The following ZNF479 variants were observed in gnomAD, a reference collection of about 807,000 sequenced individuals.
ZNF479 encodes KRAB zinc finger protein KR19.
Under a neutral mutation model 14.7 loss-of-function variants are expected in ZNF479, and 15 were observed. The ratio of observed to expected loss-of-function variants is 1.02; its 90% CI spans 0.68 to 1.57. The LOEUF (loss-of-function observed/expected upper bound fraction) is 1.57, where lower values mean the gene tolerates loss of function less well. Ranked by LOEUF, ZNF479 falls within the 40% of genes most tolerant of loss-of-function variation. The pLI is 0.00. For synonymous variants in ZNF479, 145 were observed against 211.5 expected (o/e 0.69, Z 2.73); for missense variants, 506 against 615.1 (o/e 0.82, Z 1.88).
intron 3 of ZNF479, among the ~76,000 whole-genome samples, chr7:57,122,016 T>C (rs1423379454): frequency 6.6e-6 from 1 of 151,884 alleles, no homozygotes; most frequent in Non-Finnish European, 1.5e-5. Context: ...GAAAAAATTT[T>C]AAAGTAAGAA....
At chr7:57,129,395 G>T (rs547787091) in intron 1 of ZNF479, among the ~76,000 whole-genome samples, 1 of 152,056 alleles carries the variant, frequency 6.6e-6, no homozygotes, top group Admixed American at 6.6e-5. Flanking sequence ...TTGTGCTTTC[G>T]CAGACACATT....
At chr7:57,127,152 A>G (rs1786211532) in intron 1 of ZNF479, among the ~76,000 whole-genome samples, 2 of 150,404 alleles carry the variant, frequency 1.3e-5, no homozygotes, top group South Asian at 2.1e-4. Flanking sequence ...CCTCCTGGGT[A>G]GCTGGGACTA....
chr7:57,122,463 C>G (rs1785995740), intron 3 of ZNF479, among the ~76,000 whole-genome samples: 1 of 151,676 alleles, frequency 6.6e-6, no homozygotes, highest in African/African-American at 2.4e-5. Context: ...TTCTGAAAAA[C>G]ATATGCATAT....
chr7:57,119,652 G>A lies in ZNF479; in HGVS notation c.*188C>T. The A allele has an allele frequency of 1.6e-6, 1 of 615,370 alleles. No homozygotes were observed. The highest frequency in any genetic ancestry group is 2.2e-5 in the South Asian group (1 of 46,214). The allele number at this position is 615,370 out of a possible 1,614,324, so 38.1% of individuals were successfully genotyped here. On this transcript the variant is annotated 3_prime_UTR_variant, in exon 4 of 4. Transcript: ENST00000319636. ...AATTCTCTTAGGTTTATTAAGGTTTGAGGGTTGGTTAAAGGCTTTGTTACA... is the reference window on the plus strand; with the variant it reads ...AATTCTCTTAGGTTTATTAAGGTTTAAGGGTTGGTTAAAGGCTTTGTTACA...
rs1407105210 is a variant in ZNF479 at position 57,118,039 on chromosome 7, A to G, written c.*1801T>C. Among the ~76,000 whole-genome samples the G allele has an allele frequency of 6.6e-6, 1 of 152,228 alleles. No individual in the cohort carries two copies. Among genetic ancestry groups the G allele is most frequent in the Non-Finnish European group, 1.5e-5 (1 of 68,044 alleles). ...CCCCTCAGATGCTTATATAGACTTAATTTTTGATTTAATATGTTTTCCCCA... is the reference window on the plus strand; with the variant it reads ...CCCCTCAGATGCTTATATAGACTTAGTTTTTGATTTAATATGTTTTCCCCA... On this transcript the variant is annotated 3_prime_UTR_variant, in exon 4 of 4. Transcript: ENST00000319636.
chr7:57,135,303 T>G (rs949532132), upstream of ZNF479, among the ~76,000 whole-genome samples: 1 of 152,182 alleles, frequency 6.6e-6, no homozygotes. Context: ...GTTAGAGTCT[T>G]TCCTAAAATT....
chr7:57,133,061 G>C (rs1786506457), upstream of ZNF479, among the ~76,000 whole-genome samples: 3 of 152,174 alleles, frequency 2.0e-5, no homozygotes, highest in South Asian at 2.1e-4. Flanking sequence ...TTGAACCCAG[G>C]GGGTGGAGGT....
At chr7:57,127,174 C>A (rs1007075289) in intron 1 of ZNF479, among the ~76,000 whole-genome samples, 2 of 151,926 alleles carry the variant, frequency 1.3e-5, no homozygotes, top group African/African-American at 4.8e-5. Flanking sequence ...AGGCATGAGC[C>A]ACCATGACTG....
chr7:57,131,028 A>G (rs2115891064), intron 1 of ZNF479, among the ~76,000 whole-genome samples: 1 of 152,314 alleles, frequency 6.6e-6, no homozygotes, highest in South Asian at 2.1e-4. Flanking sequence ...GTATGTTGTC[A>G]CTTATAAGTG....
intron 1 of ZNF479, among the ~76,000 whole-genome samples, chr7:57,138,723 A>G (rs1786753370): frequency 6.6e-6 from 1 of 152,250 alleles, no homozygotes; most frequent in South Asian, 2.1e-4. Flanking sequence ...GATGGTACAG[A>G]GAGTGTCATA....
chr7:57,122,589 G>T (rs1488092762), intron 3 of ZNF479, among the ~76,000 whole-genome samples: 12 of 152,000 alleles, frequency 7.9e-5, no homozygotes, highest in African/African-American at 2.9e-4. Flanking sequence ...GATATAATTA[G>T]CAACATCAAT....
chr7:57,134,548 T>C (rs1025060347), upstream of ZNF479, among the ~76,000 whole-genome samples: 10 of 152,174 alleles, frequency 6.6e-5, no homozygotes, highest in Admixed American at 3.3e-4. Context: ...ATATCCTTAG[T>C]TGAGTGGCCC....
intron 3 of ZNF479, among the ~76,000 whole-genome samples, chr7:57,124,933 T>C (rs1043567863): frequency 4.6e-5 from 7 of 151,974 alleles, no homozygotes; most frequent in African/African-American, 1.7e-4. Context: ...ATTAGCTGGG[T>C]GTGGTGGCAC....
chr7:57,127,938 T>TATA (rs1491425030), intron 1 of ZNF479, among the ~76,000 whole-genome samples: 98 of 46,308 alleles, frequency 2.1e-3, no homozygotes, highest in East Asian at 7.2e-3. Context: ...TATATATATA[T>TATA]TTTTTTTTTT....
Position 57,126,078 on chromosome 7 carries a change from G to C in ZNF479, c.202C>G (p.Leu68Val). 1.9e-6 allele frequency: 3 copies of C among 1,603,462 alleles called. No homozygotes were observed. Among genetic ancestry groups the C allele is most frequent in the Middle Eastern group, 1.7e-4 (1 of 6,056 alleles). ...AVSKPDLITC[L>V]EQNKESQNIK... is the part of the protein sequence containing the mutation. Reference sequence around the variant, plus strand: ...TTCTGGGACTCTTTATTTTGCTCCAGACAGGTGATCAAGTCTGGCTTAGAG... The same window carrying C: ...TTCTGGGACTCTTTATTTTGCTCCACACAGGTGATCAAGTCTGGCTTAGAG... Residue 68 changes from leucine (L) to valine (V), a missense_variant, in exon 3 of 4, where the codon CTG becomes GTG. Leu to Val is a conservative substitution (Grantham distance 32). Around this residue, in one of 3 missense-constraint regions of ZNF479, gnomAD observed 420 missense variants for 474.2 expected, o/e 0.89. Transcript: ENST00000319636.
Position 57,124,274 on chromosome 7 carries a change from A to G in ZNF479, c.262+1744T>C, listed in dbSNP as rs907286445. Among the ~76,000 whole-genome samples the G allele has an allele frequency of 3.2e-4, 48 of 152,346 alleles. 1 individual carries two copies. Among genetic ancestry groups the G allele is most frequent in the Middle Eastern group, 3.4e-3 (1 of 294 alleles). On this transcript the variant is annotated intron_variant, in intron 3 of 3. Transcript: ENST00000319636. The stretch of plus-strand genomic sequence containing the variant: ...GTGGTACTCACAAAAAGACAGATAA[A>G]GACATGATAGAACAAAATAGAAAGC...
At chr7:57,130,929 GAACAA>G (rs1786390272) in intron 1 of ZNF479, among the ~76,000 whole-genome samples, 1 of 152,172 alleles carries the variant, frequency 6.6e-6, no homozygotes, top group Non-Finnish European at 1.5e-5. Context: ...CTATAAGAAA[GAACAA>G]CATCATGTCC....
intron 1 of ZNF479, among the ~76,000 whole-genome samples, chr7:57,130,415 G>A (rs1786363502): frequency 6.6e-6 from 1 of 151,892 alleles, no homozygotes; most frequent in Non-Finnish European, 1.5e-5. Flanking sequence ...AGAGGTTGCA[G>A]TGAGCTGAGA....
upstream of ZNF479, among the ~76,000 whole-genome samples, chr7:57,135,220 T>A (rs1786593565): frequency 6.6e-6 from 1 of 152,090 alleles, no homozygotes; most frequent in African/African-American, 2.4e-5. Flanking sequence ...CTAAGACAGA[T>A]AAGATAAAAG....
Sources: gnomAD v4.1 joint callset for allele counts (sites outside exome capture counted in the v4.1 genomes callset) on GRCh38, gnomAD v4.1.1 for gene constraint, gnomAD v4.1.1 regional missense constraint, MANE v1.5 for transcripts, NCBI Gene and HGNC (gene_info 2026-07-23, HGNC 2026-07-21) for gene names.